Variants in CAMK2D observed in about 807,000 individuals in gnomAD.
CAMK2D encodes calcium/calmodulin-dependent protein kinase type II subunit delta.
CAMK2D carries 37 observed loss-of-function variants against 84.0 expected under a neutral mutation model. That is an observed-to-expected ratio of 0.44 (90% confidence interval 0.34 to 0.58). The LOEUF (loss-of-function observed/expected upper bound fraction) is 0.58. Among genes scored for constraint, CAMK2D ranks in the 20% least tolerant of loss-of-function variants. The probability of loss-of-function intolerance (pLI) is 0.02; values close to 1 mark genes in which losing one functional copy is unlikely to be tolerated. For missense variants in CAMK2D, 448 were observed against 652.5 expected, an observed-to-expected ratio of 0.69 and a Z score of 3.41; for synonymous variants, 202 against 212.5, an observed-to-expected ratio of 0.95 and a Z score of 0.43.
chr4:113,644,242 T>A (rs1041659532), intron 3 of CAMK2D, among the ~76,000 whole-genome samples: 7 of 152,220 alleles, frequency 4.6e-5, no homozygotes, highest in African/African-American at 1.7e-4. Context: ...TCTTGTCAGA[T>A]TCTTGGCTTA....
intron 16 of CAMK2D, among the ~76,000 whole-genome samples, chr4:113,466,287 T>TAAA (rs1232641215): frequency 6.7e-6 from 1 of 149,196 alleles, no homozygotes; most frequent in Non-Finnish European, 1.5e-5. Flanking sequence ...AATAAATAAA[T>TAAA]ATAAAATAAA....
intron 4 of CAMK2D, among the ~76,000 whole-genome samples, chr4:113,553,340 T>G (rs1175244216): frequency 6.6e-6 from 1 of 152,174 alleles, no homozygotes; most frequent in African/African-American, 2.4e-5. Context: ...CTTTCCAGTT[T>G]AGAAGGCATG....
chr4:113,532,082 G>C (rs557456867), intron 7 of CAMK2D, among the ~76,000 whole-genome samples: 3 of 152,138 alleles, frequency 2.0e-5, no homozygotes, highest in African/African-American at 2.4e-5. Context: ...TCCAACCACA[G>C]ATCACTGATG....
intron 3 of CAMK2D, among the ~76,000 whole-genome samples, chr4:113,649,014 T>C (rs1351068836): frequency 6.6e-6 from 1 of 152,194 alleles, no homozygotes; most frequent in Admixed American, 6.5e-5. Flanking sequence ...GGGATCAACA[T>C]CTCTCTAGTC....
rs144602216 is a variant in CAMK2D, at chr4:113,614,885, G to T, written c.221-5679C>A. On this transcript the variant is annotated intron_variant, in intron 3 of 20. Coordinates refer to ENST00000511664, the MANE Select transcript of CAMK2D (RefSeq NM_001321571.2). ...GAGTCTGACCTCAGAAAGTAAGAAA[G>T]AATTAGTAAAAATTCTAAAACTGAG... Among the ~76,000 whole-genome samples the T allele has an allele frequency of 2.9e-4, 44 of 152,198 alleles. No homozygotes were observed. The East Asian group carries it at 8.3e-3, about 29-fold the overall frequency.
chr4:113,477,635 A>G (rs773517905), intron 16 of CAMK2D, among the ~76,000 whole-genome samples: 17 of 151,256 alleles, frequency 1.1e-4, no homozygotes, highest in Non-Finnish European at 1.5e-5. Flanking sequence ...AGTCCCAGCT[A>G]CTCGGGAGGC....
chr4:113,623,605 A>T (rs968769624), intron 3 of CAMK2D, among the ~76,000 whole-genome samples: 4 of 152,192 alleles, frequency 2.6e-5, no homozygotes, highest in African/African-American at 9.7e-5. Context: ...TGTACTGAAT[A>T]AGCAACAACT....
chr4:113,548,543 T>C, intron 5 of CAMK2D: 1 of 565,890 alleles, frequency 1.8e-6, no homozygotes, highest in Non-Finnish European at 3.1e-6. Context: ...TTACTCATTT[T>C]AGAAACAAGT....
In CAMK2D at chr4:113,457,557, G is replaced by C; in HGVS notation, c.1313C>G (p.Ser438Cys). 1 of 1,611,640 alleles carries C rather than the reference G, an allele frequency of 6.2e-7. No homozygotes were observed. Among genetic ancestry groups the C allele is most frequent in the Non-Finnish European group, 8.5e-7 (1 of 1,178,780 alleles). ...FHRFYFENAL[S>C]KSNKPIHTII... is the part of the protein sequence containing the mutation. Reference sequence around the variant, plus strand: ...AGTGTGGATTGGTTTATTGCTTTTGGACAAAGCTGAAAGAGAAAAACATGA... The same window carrying C: ...AGTGTGGATTGGTTTATTGCTTTTGCACAAAGCTGAAAGAGAAAAACATGA... Residue 438 changes from serine (S) to cysteine (C), a missense_variant, in exon 19 of 21, where the codon TCC (serine) becomes TGC (cysteine). By Grantham distance (112) the Ser-to-Cys change is moderately radical. Around this residue, in one of 7 missense-constraint regions of CAMK2D, gnomAD observed 219 missense variants for 272.1 expected, o/e 0.80. Transcript: ENST00000511664.
intron 19 of CAMK2D, among the ~76,000 whole-genome samples, chr4:113,456,355 ACTCTTCTT>A (rs1285382242): frequency 6.6e-6 from 1 of 151,934 alleles, no homozygotes; most frequent in Non-Finnish European, 1.5e-5. Flanking sequence ...CTGAGTTTAA[ACTCTTCTT>A]GTTTTCATCT....
At chr4:113,478,304 CA>C (rs1264623662) in intron 16 of CAMK2D, among the ~76,000 whole-genome samples, 1 of 152,134 alleles carries the variant, frequency 6.6e-6, no homozygotes, top group East Asian at 1.9e-4. Flanking sequence ...GCTCCTGTTA[CA>C]AAATTGTAGT....
At chr4:113,504,921 CAAA>C (rs5861139) in intron 14 of CAMK2D, 52 bp downstream of exon 14, 188 of 817,484 alleles carry the variant, frequency 2.3e-4, no homozygotes, top group South Asian at 4.1e-4. Context: ...AGAGAAACCA[CAAA>C]AAAAAAAAAA....
At chr4:113,605,874 C>T (rs2098974835) in intron 4 of CAMK2D, among the ~76,000 whole-genome samples, 1 of 151,920 alleles carries the variant, frequency 6.6e-6, no homozygotes, top group Non-Finnish European at 1.5e-5. Context: ...TAGTGAAATC[C>T]AAAGTCTTAT....
chr4:113,522,219 G>C (rs1236435167), intron 8 of CAMK2D, among the ~76,000 whole-genome samples: 2 of 152,210 alleles, frequency 1.3e-5, no homozygotes, highest in Non-Finnish European at 2.9e-5. Flanking sequence ...GATGAAGAAG[G>C]AATGTTGGAG....
At chr4:113,708,274 A>C (rs2099469947) in intron 2 of CAMK2D, among the ~76,000 whole-genome samples, 1 of 152,210 alleles carries the variant, frequency 6.6e-6, no homozygotes, top group Non-Finnish European at 1.5e-5. Flanking sequence ...TTCATGACAA[A>C]GTCAATGCCA....
chr4:113,676,911 C>T (rs971095458), intron 2 of CAMK2D, among the ~76,000 whole-genome samples: 1 of 152,182 alleles, frequency 6.6e-6, no homozygotes, highest in Non-Finnish European at 1.5e-5. Flanking sequence ...AGGACTCCCA[C>T]TGCTTTGTAA....
intron 2 of CAMK2D, among the ~76,000 whole-genome samples, chr4:113,710,291 A>T (rs1314020864): frequency 6.6e-6 from 1 of 152,138 alleles, no homozygotes; most frequent in Non-Finnish European, 1.5e-5. Flanking sequence ...AATTTAGAGG[A>T]TATTCATATC....
rs2098268302 is a variant in CAMK2D at position 113,515,171 on chromosome 4, G to A, written c.717C>T (p.Asp239=). 2 of 1,600,706 alleles carry A rather than the reference G, an allele frequency of 1.2e-6. No individual in the cohort carries two copies. The change falls in exon 10 of 21, where the codon GAC becomes GAT. Residue 239 remains aspartate (D), a synonymous_variant. Coordinates refer to ENST00000511664, the MANE Select transcript of CAMK2D (RefSeq NM_001321571.2). ...GGTCTTTGGCTTCAGGAGTCACCGT[G>A]TCCCATTCTGGTGATGGAAACTTCA... ...GAYDFPSPEW[D]TVTPEAKDLI...
intron 20 of CAMK2D, among the ~76,000 whole-genome samples, chr4:113,455,282 CTCAG>C (rs1404935535): frequency 6.6e-6 from 1 of 152,186 alleles, no homozygotes; most frequent in Non-Finnish European, 1.5e-5. Context: ...TACCATTATA[CTCAG>C]TCAGGCACAG....
Sources: gnomAD v4.1 joint callset for allele counts (sites outside exome capture counted in the v4.1 genomes callset) on GRCh38, gnomAD v4.1.1 for gene constraint, gnomAD v4.1.1 regional missense constraint, MANE v1.5 for transcripts, NCBI Gene and HGNC (gene_info 2026-07-23, HGNC 2026-07-21) for gene names.